Variants in BEND6 observed in about 807,000 individuals in gnomAD.
BEND6 encodes the protein BEN domain-containing protein 6.
Under a neutral mutation model 31.8 loss-of-function variants are expected in BEND6, and 24 were observed. The observed-to-expected ratio is 0.75, with a 90% CI of 0.55 to 1.06. The LOEUF is 1.06. BEND6 is among the 50% of genes least tolerant of loss of function. BEND6 has a pLI of 0.00. For missense variants in BEND6, 294 were observed against 327.4 expected (o/e 0.90, Z 0.79); for synonymous variants, 109 against 114.6 (o/e 0.95, Z 0.31).
At chr6:56,983,843 A>C (rs767578948) in intron 2 of BEND6, among the ~76,000 whole-genome samples, 1 of 152,118 alleles carries the variant, frequency 6.6e-6, no homozygotes, top group Non-Finnish European at 1.5e-5. Context: ...TCCTTTCCTC[A>C]GTGATGAATA....
At chr6:57,023,392 T>G (rs373894882) in intron 6 of BEND6, among the ~76,000 whole-genome samples, 1 of 152,238 alleles carries the variant, frequency 6.6e-6, no homozygotes, top group East Asian at 1.9e-4. Context: ...TGTGTCTCTT[T>G]TTACAGTCTT....
At chr6:57,007,186 G>A (rs1827188726) in intron 3 of BEND6, among the ~76,000 whole-genome samples, 1 of 151,950 alleles carries the variant, frequency 6.6e-6, no homozygotes, top group African/African-American at 2.4e-5. Context: ...CTACTCAGGA[G>A]GCTGGGTGGG....
chr6:57,022,747 CT>C (rs34795948), intron 6 of BEND6, among the ~76,000 whole-genome samples: 44,868 of 151,932 alleles, frequency 0.3, 7,270 homozygotes, highest in East Asian at 0.57. Flanking sequence ...AGTCTTTCTA[CT>C]TTTTTGATAT....
intron 6 of BEND6, among the ~76,000 whole-genome samples, chr6:57,023,530 A>G (rs1827814606): frequency 6.6e-6 from 1 of 151,798 alleles, no homozygotes; most frequent in South Asian, 2.1e-4. Flanking sequence ...TGGCTTTCTC[A>G]TAGGCAACAT....
chr6:56,978,728 G>A (rs115259382), intron 1 of BEND6, among the ~76,000 whole-genome samples: 2,082 of 152,246 alleles, frequency 0.014, 56 homozygotes, highest in African/African-American at 0.047. Context: ...CTTAGCAGTG[G>A]CAAAGTTTTA....
At chr6:57,013,172 C>T (rs1044618921) in intron 3 of BEND6, among the ~76,000 whole-genome samples, 1 of 152,162 alleles carries the variant, frequency 6.6e-6, no homozygotes, top group Admixed American at 6.5e-5. Flanking sequence ...GCCAAGAGTG[C>T]CTAATACTTC....
chr6:57,015,558 T>C (rs539707812), intron 4 of BEND6, among the ~76,000 whole-genome samples: 1 of 151,350 alleles, frequency 6.6e-6, no homozygotes, highest in Admixed American at 6.6e-5. Flanking sequence ...CCCAGCACTT[T>C]GGGAGGCTGA....
chr6:57,006,086 G>C (rs1159172609), intron 3 of BEND6, among the ~76,000 whole-genome samples: 1 of 152,200 alleles, frequency 6.6e-6, no homozygotes, highest in Admixed American at 6.5e-5. Flanking sequence ...AACCACCTGA[G>C]TTCAAGCCCT....
In BEND6 at chr6:56,969,288, G is replaced by A. The variant is rs374303342; in HGVS notation, c.-100-12423G>A. Among the ~76,000 whole-genome samples the A allele has an allele frequency of 1.4e-4, 21 of 152,228 alleles. No individual in the cohort carries two copies. The East Asian group carries it at 2.9e-3, about 21-fold the overall frequency. ...TTTACAGCCATTTCAATCTTGATTT[G>A]TCTTCCTCGAGAACATATATAACTA... is the stretch of plus-strand genomic sequence containing the variant. On this transcript the variant is annotated intron_variant, in intron 1 of 6. Transcript: ENST00000370746.
rs1234526249 is a variant in BEND6 at position 56,963,284 on chromosome 6, G to A, written c.-101+7824G>A. Among the ~76,000 whole-genome samples, 2 of 152,136 alleles carry A rather than the reference G, an allele frequency of 1.3e-5. 1 individual carries two copies. The highest frequency in any genetic ancestry group is 4.1e-4 in the South Asian group (2 of 4,830). On this transcript the variant is annotated intron_variant, in intron 1 of 6. Coordinates refer to ENST00000370746, the MANE Select transcript of BEND6 (RefSeq NM_152731.3). ...TACCCAGATTAATGAAGGCCAACCC[G>A]ACACTCCAGCAGAACGTCAGATGTT...
chr6:56,974,641 G>C (rs1231573394), intron 1 of BEND6, among the ~76,000 whole-genome samples: 1 of 152,172 alleles, frequency 6.6e-6, no homozygotes, highest in East Asian at 1.9e-4. Context: ...GACCACAAAT[G>C]ACAGTGATGC....
At chr6:56,957,721 T>G (rs1326334585) in intron 1 of BEND6, among the ~76,000 whole-genome samples, 1 of 152,182 alleles carries the variant, frequency 6.6e-6, no homozygotes, top group Admixed American at 6.5e-5. Context: ...TGGAAAAGTA[T>G]GTATAATTTG....
chr6:56,961,622 A>G (rs2127837607), intron 1 of BEND6, among the ~76,000 whole-genome samples: 1 of 152,366 alleles, frequency 6.6e-6, no homozygotes, highest in South Asian at 2.1e-4. Context: ...AGCCAATAGG[A>G]CTAGTCCTAA....
At chr6:56,989,156 G>A (rs981701400) in intron 2 of BEND6, among the ~76,000 whole-genome samples, 2 of 150,624 alleles carry the variant, frequency 1.3e-5, no homozygotes, top group Non-Finnish European at 3.0e-5. Context: ...TATATCATAT[G>A]TGATATATAA....
intron 1 of BEND6, among the ~76,000 whole-genome samples, chr6:56,959,986 A>T (rs1825231878): frequency 6.6e-6 from 1 of 152,234 alleles, no homozygotes; most frequent in Non-Finnish European, 1.5e-5. Context: ...CAAAAAAGTC[A>T]GCTGAGTTTG....
chr6:56,961,773 T>A (rs981780051), intron 1 of BEND6, among the ~76,000 whole-genome samples: 16 of 152,116 alleles, frequency 1.1e-4, no homozygotes, highest in African/African-American at 3.4e-4. Context: ...CCTAAATCCT[T>A]CCCCAAGCCC....
At chr6:56,998,045 T>A (rs1480654207) in intron 3 of BEND6, among the ~76,000 whole-genome samples, 5 of 151,968 alleles carry the variant, frequency 3.3e-5, no homozygotes, top group South Asian at 2.1e-4. Context: ...ATATAATATG[T>A]TGAATGGTGA....
At chr6:56,988,152 G>T (rs144848798) in intron 2 of BEND6, among the ~76,000 whole-genome samples, 1 of 151,944 alleles carries the variant, frequency 6.6e-6, no homozygotes, top group East Asian at 1.9e-4. Flanking sequence ...AGGTAGCTGG[G>T]ACTACAGGTG....
Position 56,992,467 on chromosome 6 carries a change from G to A in BEND6, c.210G>A (p.Leu70=). The change falls in exon 3 of 7, where the codon TTG becomes TTA. Residue 70 remains leucine (L), a synonymous_variant. Transcript: ENST00000370746. ...TAGCAGAATTGTCAAAGGAAGAATT[G>A]TGCGCCAAAATAAAAAGCCTGAAAG... The part of the protein sequence containing the change: ...EPLAELSKEE[L]CAKIKSLKEK... 6.2e-7 allele frequency: 1 copy of A among 1,614,140 alleles called. No individual in the cohort carries two copies. Among genetic ancestry groups the A allele is most frequent in the Non-Finnish European group, 8.5e-7 (1 of 1,180,022 alleles).
Sources: allele counts gnomAD v4.1 joint callset (sites outside exome capture counted in the v4.1 genomes callset), GRCh38; gene constraint gnomAD v4.1.1; transcripts MANE v1.5; gene names NCBI Gene and HGNC (gene_info 2026-07-23, HGNC 2026-07-21).